PDZK1IP1: variants seen among roughly 807,000 people sequenced by gnomAD.
The protein encoded by PDZK1IP1 is PDZK1 interacting protein 1, also known as PDZK1-interacting protein 1.
A neutral mutation model predicts 14.7 loss-of-function variants in PDZK1IP1; 9 were observed. The ratio of observed to expected loss-of-function variants is 0.61; its 90% confidence interval spans 0.37 to 1.07. PDZK1IP1 has a LOEUF of 1.07. PDZK1IP1 is among the 50% of genes least tolerant of loss of function. The pLI is 0.01. For synonymous variants in PDZK1IP1, 70 were observed against 61.2 expected (o/e 1.14, Z -0.67); for missense variants, 152 against 148.7 (o/e 1.02, Z -0.11).
chr1:47,185,205 T>C, intron 2 of PDZK1IP1, 108 bp from the exon 3 acceptor site: 1 of 822,392 alleles, frequency 1.2e-6, no homozygotes, highest in Non-Finnish European at 2.1e-6. Flanking sequence ...CAACTGCCCT[T>C]CCCAGAGCTG....
chr1:47,185,201 C>T, intron 2 of PDZK1IP1, 104 bp from the exon 3 acceptor site: 2 of 849,914 alleles, frequency 2.4e-6, no homozygotes, highest in South Asian at 1.4e-5. Context: ...CTAGCAACTG[C>T]CCTTCCCAGA....
chr1:47,187,883 A>C (rs1329164257), intron 1 of PDZK1IP1, among the ~76,000 whole-genome samples: 1 of 152,218 alleles, frequency 6.6e-6, no homozygotes, highest in Admixed American at 6.5e-5. Context: ...TCTGGGATCT[A>C]GAAGATCCTG....
Position 47,185,822 on chromosome 1 carries a change from C to T in PDZK1IP1, c.177-725G>A, listed in dbSNP as rs56386473. On this transcript the variant is annotated intron_variant, in intron 2 of 3. Coordinates refer to ENST00000294338, the MANE Select transcript of PDZK1IP1 (RefSeq NM_005764.4). ...CCCAGGGTGCCCACCTCCTAGACAG[C>T]GCTCAGACTCGTCTCTTCACTTCAT... Among the ~76,000 whole-genome samples, 22 of 151,904 alleles carry T rather than the reference C, an allele frequency of 1.4e-4. No homozygotes were observed. In the South Asian group the frequency reaches 2.1e-3, roughly 14 times the overall value.
At chr1:47,184,954 C>T in intron 3 of PDZK1IP1, 48 bp downstream of exon 3, 3 of 1,456,424 alleles carry the variant, frequency 2.1e-6, no homozygotes, top group Non-Finnish European at 2.9e-6. Flanking sequence ...TTGAGATTCT[C>T]CTTAGGCCCT....
At chr1:47,189,035 C>A (rs1645337070) in intron 1 of PDZK1IP1, among the ~76,000 whole-genome samples, 1 of 152,114 alleles carries the variant, frequency 6.6e-6, no homozygotes, top group Non-Finnish European at 1.5e-5. Context: ...GTGGTCTGAA[C>A]CCTGTCCTTT....
chr1:47,188,730 G>A (rs1001100494), intron 1 of PDZK1IP1, among the ~76,000 whole-genome samples: 1 of 152,230 alleles, frequency 6.6e-6, no homozygotes, highest in Non-Finnish European at 1.5e-5. Flanking sequence ...GGCCTGTAGT[G>A]AGGTCAGACC....
chr1:47,189,216 T>A (rs1030115742), intron 1 of PDZK1IP1, among the ~76,000 whole-genome samples: 2 of 151,990 alleles, frequency 1.3e-5, no homozygotes. Flanking sequence ...ACCTGCAGAG[T>A]CCCCAGACTT....
Position 47,189,882 on chromosome 1 carries a change from A to T in PDZK1IP1, c.51T>A (p.Pro17=). 1 of 1,596,490 alleles carries T rather than the reference A, an allele frequency of 6.3e-7. No individual in the cohort carries two copies. Among genetic ancestry groups the T allele is most frequent in the African/African-American group, 1.3e-5 (1 of 74,914 alleles). The change falls in exon 1 of 4, where the codon CCT becomes CCA. Residue 17 remains proline (P), a synonymous_variant. Coordinates refer to ENST00000294338, the MANE Select transcript of PDZK1IP1 (RefSeq NM_005764.4). ...CTGAGCTACCTTGCTGACAGCTGGC[A>T]GGTGGCACTGCCGTGAGCAGGCCCA... is the stretch of plus-strand genomic sequence containing the variant. ...LILGLLTAVP[P]ASCQQGLGNL...
chr1:47,188,895 C>T lies in PDZK1IP1; in HGVS notation c.67+971G>A, dbSNP rs3737771. On this transcript the variant is annotated intron_variant, in intron 1 of 3. Transcript: ENST00000294338. ...TCAAGCATGGGGAGTTAGGGCTCAA[C>T]CCTTGGAGGCCCCTCCCTGTTTCCT... is the stretch of plus-strand genomic sequence containing the variant. 6.6e-3 allele frequency among the ~76,000 whole-genome samples: 1,002 copies of T among 152,310 alleles called. 6 individuals are homozygous for T. Among genetic ancestry groups the T allele is most frequent in the East Asian group, 0.025 (130 of 5,178 alleles).
In PDZK1IP1 at chr1:47,183,624, G is replaced by GTGGT; in HGVS notation, c.*346_*347insACCA. The GTGGT allele has an allele frequency of 3.6e-6, 1 of 277,726 alleles. No homozygotes were observed. The allele number at this position is 277,726 out of a possible 1,614,324, so 17.2% of individuals were successfully genotyped here. On this transcript the variant is annotated 3_prime_UTR_variant, in exon 4 of 4. Transcript: ENST00000294338. ...CCTGAGGGGCTGTTGCTGAGCCTCA[G>GTGGT]CCCCAGAAATACAAAAAGTCTTTAT...
In PDZK1IP1 at chr1:47,187,486, G is replaced by A. The variant is rs2148573348; in HGVS notation, c.68-59C>T. The A allele has an allele frequency of 2.2e-6, 3 of 1,366,506 alleles. No individual in the cohort carries two copies. The East Asian group carries it at 7.0e-5, about 32-fold the overall frequency. The allele number at this position is 1,366,506 out of a possible 1,614,324, so 84.6% of individuals were successfully genotyped here. A position where few individuals can be genotyped will look rare whatever the true frequency, so the allele number is the denominator to read the frequency against. On this transcript the variant is annotated intron_variant, in intron 1 of 3. Transcript: ENST00000294338. The stretch of plus-strand genomic sequence containing the variant: ...CCACAGTGGGGCTGCATGTGCAGGA[G>A]AGCGAGGGGCCTCACTCTTCAAGGA...
Position 47,187,341 on chromosome 1 carries a change from G to A in PDZK1IP1, c.154C>T (p.His52Tyr). Residue 52 changes from histidine (H) to tyrosine (Y), a missense_variant, in exon 2 of 4, where the codon CAC becomes TAC. By Grantham distance (83) the His-to-Tyr change is moderately conservative. Coordinates refer to ENST00000294338, the MANE Select transcript of PDZK1IP1 (RefSeq NM_005764.4). Reference sequence around the variant, plus strand: ...CACGGCTCCTCCTGGCACCAGAAGTGGTTGACTGCAAAGGCGATTGCAACG... The same window carrying A: ...CACGGCTCCTCCTGGCACCAGAAGTAGTTGACTGCAAAGGCGATTGCAACG... ...VLVAIAFAVN[H>Y]FWCQEEPEPA... The A allele has an allele frequency of 6.2e-7, 1 of 1,612,620 alleles. No individual in the cohort carries two copies. The highest frequency in any genetic ancestry group is 1.1e-5 in the South Asian group (1 of 91,078).
intron 2 of PDZK1IP1, chr1:47,185,359 T>A: frequency 2.2e-6 from 1 of 446,850 alleles, no homozygotes; most frequent in Non-Finnish European, 4.1e-6. Context: ...CGCCCTCAGT[T>A]CAGCCTCCAC....
chr1:47,186,820 A>G (rs1177093226), intron 2 of PDZK1IP1, among the ~76,000 whole-genome samples: 1 of 152,192 alleles, frequency 6.6e-6, no homozygotes, highest in East Asian at 1.9e-4. Flanking sequence ...GGACCAGGTC[A>G]GGCCCTGCAG....
At chr1:47,186,689 G>C (rs1410490008) in intron 2 of PDZK1IP1, among the ~76,000 whole-genome samples, 1 of 152,184 alleles carries the variant, frequency 6.6e-6, no homozygotes, top group African/African-American at 2.4e-5. Flanking sequence ...CTCAGGACCT[G>C]GGTGTACCCT....
intron 2 of PDZK1IP1, 60 bp from the exon 3 acceptor site, chr1:47,185,157 C>T: frequency 7.8e-7 from 1 of 1,288,258 alleles, no homozygotes. Flanking sequence ...CAAGCAGACC[C>T]TATTCTGGGT....
intron 2 of PDZK1IP1, chr1:47,185,439 T>A: frequency 3.4e-6 from 1 of 293,098 alleles, no homozygotes; most frequent in Non-Finnish European, 6.6e-6. Context: ...TGGGCACAGA[T>A]GTGGTTGGTG....
intron 2 of PDZK1IP1, among the ~76,000 whole-genome samples, chr1:47,185,675 T>C (rs1645314810): frequency 6.6e-6 from 1 of 152,130 alleles, no homozygotes; most frequent in African/African-American, 2.4e-5. Context: ...AACTTAGCAG[T>C]TGCCCCTATG....
At chr1:47,188,658 G>A (rs1645334594) in intron 1 of PDZK1IP1, among the ~76,000 whole-genome samples, 1 of 152,184 alleles carries the variant, frequency 6.6e-6, no homozygotes, top group South Asian at 2.1e-4. Context: ...TGCAGTGGAG[G>A]CCTGACCTCT....
Sources: gnomAD v4.1 joint callset for allele counts (sites outside exome capture counted in the v4.1 genomes callset) on GRCh38, gnomAD v4.1.1 for gene constraint, MANE v1.5 for transcripts, NCBI Gene and HGNC (gene_info 2026-07-23, HGNC 2026-07-21) for gene names.